PLAC8L1: variants seen among roughly 807,000 people sequenced by gnomAD.
PLAC8L1 encodes PLAC8 like 1, also known as PLAC8-like protein 1.
Under a neutral mutation model 16.3 loss-of-function variants are expected in PLAC8L1, and 13 were observed. The ratio of observed to expected loss-of-function variants is 0.80; its 90% CI spans 0.52 to 1.27. The LOEUF (loss-of-function observed/expected upper bound fraction) is 1.27. PLAC8L1 is among the 50% of genes most tolerant of loss of function. The pLI is 0.00. For synonymous variants in PLAC8L1, 78 were observed against 79.3 expected (o/e 0.98, Z 0.09); for missense variants, 184 against 220.2 (o/e 0.84, Z 1.04).
chr5:146,104,304 C>A lies in PLAC8L1; in HGVS notation c.8G>T (p.Trp3Leu), dbSNP rs746153847. Residue 3 changes from tryptophan to leucine, a missense_variant, in exon 1 of 4, where the codon TGG (tryptophan) becomes TTG (leucine). Coordinates refer to ENST00000311450, the MANE Select transcript of PLAC8L1 (RefSeq NM_001029869.3). ...ACACCTGAAGAAGTTACTTCCAAAC[C>A]AATTCATAGTGAGAAGTGTTTTCTT... MN[W>L]FGSNFFRCPE... 13 of 1,606,078 alleles carry A rather than the reference C, an allele frequency of 8.1e-6. No individual in the cohort carries two copies. The highest frequency in any genetic ancestry group is 1.3e-5 in the African/African-American group (1 of 74,924).
intron 1 of PLAC8L1, among the ~76,000 whole-genome samples, chr5:146,102,438 A>G (rs1763836719): frequency 1.3e-5 from 2 of 152,216 alleles, no homozygotes; most frequent in South Asian, 4.1e-4. Flanking sequence ...AACCATAGCT[A>G]ACTTTCACTG....
chr5:146,099,930 A>C (rs536494673), intron 1 of PLAC8L1, among the ~76,000 whole-genome samples: 1 of 152,264 alleles, frequency 6.6e-6, no homozygotes, highest in Non-Finnish European at 1.5e-5. Context: ...TCATGTCTAC[A>C]CCTTCCCAAA....
chr5:146,097,362 T>G (rs1207793270), intron 2 of PLAC8L1, among the ~76,000 whole-genome samples: 3 of 152,204 alleles, frequency 2.0e-5, no homozygotes, highest in Non-Finnish European at 4.4e-5. Context: ...TTTCTTTTTG[T>G]GATTGTTCTT....
intron 2 of PLAC8L1, among the ~76,000 whole-genome samples, chr5:146,089,144 T>C (rs550460663): frequency 2.6e-5 from 4 of 152,296 alleles, no homozygotes; most frequent in African/African-American, 9.6e-5. Context: ...TCTTGCACCA[T>C]ATTTTTATGA....
intron 1 of PLAC8L1, among the ~76,000 whole-genome samples, chr5:146,102,840 T>A (rs984657055): frequency 1.3e-5 from 2 of 152,198 alleles, no homozygotes; most frequent in Admixed American, 1.3e-4. Flanking sequence ...GGATTTAAAA[T>A]ATCCTAGCTC....
rs182431049 is a variant in PLAC8L1, at chr5:146,090,673, C to T, written c.257-5076G>A. 2.2e-3 allele frequency among the ~76,000 whole-genome samples: 330 copies of T among 152,180 alleles called. 2 individuals are homozygous for T. The highest frequency in any genetic ancestry group is 7.6e-3 in the African/African-American group (314 of 41,514). ...AAGAGCAAATACAAATGGCCAGTAA[C>T]GAAGGCAAAAATTTGCTCAATGTCA... is the stretch of plus-strand genomic sequence containing the variant. On this transcript the variant is annotated intron_variant, in intron 2 of 3. Transcript: ENST00000311450.
intron 1 of PLAC8L1, among the ~76,000 whole-genome samples, chr5:146,101,150 T>C (rs1401197173): frequency 4.1e-5 from 6 of 147,478 alleles, no homozygotes; most frequent in Non-Finnish European, 7.4e-5. Context: ...TGAGCCGAGA[T>C]TGCACCACTG....
Position 146,098,282 on chromosome 5 carries a change from G to A in PLAC8L1, c.130C>T (p.Pro44Ser), listed in dbSNP as rs1230983244. The A allele has an allele frequency of 1.3e-5, 21 of 1,613,844 alleles. No individual in the cohort carries two copies. Among genetic ancestry groups the A allele is most frequent in the Non-Finnish European group, 1.7e-5 (20 of 1,179,878 alleles). The part of the protein sequence containing the change: ...HFISNLRGHV[P>S]ASAVVKQPVR... The stretch of plus-strand genomic sequence containing the variant: ...GGCTGCTTCACCACAGCGCTGGCTG[G>A]TACATGGCCTCTGGAGAGTCAAGGA... The change falls in exon 2 of 4, where the codon CCA becomes TCA. Residue 44 changes from proline to serine, a missense_variant. Coordinates refer to ENST00000311450, the MANE Select transcript of PLAC8L1 (RefSeq NM_001029869.3).
intron 2 of PLAC8L1, among the ~76,000 whole-genome samples, chr5:146,093,499 G>C (rs1763658010): frequency 6.6e-6 from 1 of 152,124 alleles, no homozygotes; most frequent in African/African-American, 2.4e-5. Context: ...CAAACAGATG[G>C]GGGACCAGAC....
chr5:146,087,121 T>C (rs769729113), intron 2 of PLAC8L1, among the ~76,000 whole-genome samples: 1 of 152,250 alleles, frequency 6.6e-6, no homozygotes, highest in Non-Finnish European at 1.5e-5. Context: ...TTCATATTAA[T>C]GAAATCATGT....
chr5:146,085,462 T>C lies in PLAC8L1; in HGVS notation c.392A>G (p.Gln131Arg), dbSNP rs751428942. The change falls in exon 3 of 4, where the codon CAG (glutamine) becomes CGG (arginine). Residue 131 changes from glutamine (Q) to arginine (R), a missense_variant and splice_region_variant. Physicochemically the swap from Gln to Arg is conservative, Grantham distance 43. Coordinates refer to ENST00000311450, the MANE Select transcript of PLAC8L1 (RefSeq NM_001029869.3). ...RIGTRERHKI[Q>R]GTLCEDWLAV... The stretch of plus-strand genomic sequence containing the variant: ...ACGTATACCTTCAAACACACTTACC[T>C]GTATTTTATGTCTCTCCCTGGTGCC... The C allele has an allele frequency of 5.6e-6, 9 of 1,613,966 alleles. No individual in the cohort carries two copies. Among genetic ancestry groups the C allele is most frequent in the Non-Finnish European group, 7.6e-6 (9 of 1,179,900 alleles).
rs937621525 is a variant in PLAC8L1 at position 146,088,847 on chromosome 5, A to G, written c.257-3250T>C. ...CAAATGGTCCAGTAAATTTACTGAG[A>G]GTACAGAGTACTCACACTGTATGCA... is the stretch of plus-strand genomic sequence containing the variant. On this transcript the variant is annotated intron_variant, in intron 2 of 3. Transcript: ENST00000311450. 2.6e-5 allele frequency among the ~76,000 whole-genome samples: 4 copies of G among 152,216 alleles called. No individual in the cohort carries two copies. In the South Asian group the frequency reaches 8.3e-4, roughly 32 times the overall value.
rs35143616 is a variant in PLAC8L1, at chr5:146,101,196, C to CAAA, written c.120-2907_120-2905dup. Among the ~76,000 whole-genome samples the CAAA allele has an allele frequency of 8.3e-3, 685 of 82,124 alleles. 14 individuals are homozygous for CAAA. The highest frequency in any genetic ancestry group is 0.033 in the African/African-American group (621 of 18,570). 53.9% of individuals were successfully genotyped at this position (82,124 alleles called of 152,430 possible). ...TAGGCAACAGAGCAAGACCCTGTCT[C>CAAA]AAAAAAAAAAAAAAAAAAAAAAAAT... On this transcript the variant is annotated intron_variant, in intron 1 of 3. Coordinates refer to ENST00000311450, the MANE Select transcript of PLAC8L1 (RefSeq NM_001029869.3).
intron 2 of PLAC8L1, among the ~76,000 whole-genome samples, chr5:146,089,997 C>T (rs1177205579): frequency 1.3e-5 from 2 of 151,984 alleles, no homozygotes; most frequent in Non-Finnish European, 2.9e-5. Context: ...CTTCAGCCTC[C>T]AGAAGTGCTG....
intron 2 of PLAC8L1, among the ~76,000 whole-genome samples, chr5:146,090,229 T>A (rs1443089462): frequency 2.6e-5 from 4 of 152,012 alleles, no homozygotes; most frequent in Admixed American, 2.0e-4. Flanking sequence ...AGGATAAGTA[T>A]CTAGAATATA....
At chr5:146,091,008 C>A (rs973051062) in intron 2 of PLAC8L1, among the ~76,000 whole-genome samples, 1 of 151,830 alleles carries the variant, frequency 6.6e-6, no homozygotes, top group Non-Finnish European at 1.5e-5. Flanking sequence ...GAGTAGAGAT[C>A]GCACCACTGC....
intron 1 of PLAC8L1, among the ~76,000 whole-genome samples, chr5:146,103,422 G>A (rs1763854947): frequency 6.6e-6 from 1 of 152,002 alleles, no homozygotes; most frequent in Non-Finnish European, 1.5e-5. Context: ...GCCTCCCAAA[G>A]TGCTAAGATT....
At chr5:146,085,630 C>A in intron 2 of PLAC8L1, 33 bp from the exon 3 acceptor site, 1 of 1,589,522 alleles carries the variant, frequency 6.3e-7, no homozygotes, top group South Asian at 1.1e-5. Flanking sequence ...AGCCAAGGTT[C>A]TCAGATTTCT....
chr5:146,087,046 G>C (rs1763529593), intron 2 of PLAC8L1, among the ~76,000 whole-genome samples: 1 of 152,144 alleles, frequency 6.6e-6, no homozygotes, highest in African/African-American at 2.4e-5. Flanking sequence ...CCCTCCCGTT[G>C]CCCACTAGAG....
Sources: allele counts gnomAD v4.1 joint callset (sites outside exome capture counted in the v4.1 genomes callset), GRCh38; gene constraint gnomAD v4.1.1; transcripts MANE v1.5; gene names NCBI Gene and HGNC (gene_info 2026-07-23, HGNC 2026-07-21).